The following SGSM1 variants were observed in gnomAD, a reference collection of about 807,000 sequenced individuals.
SGSM1 encodes the protein RUN and TBC1 domain containing 2.
A neutral mutation model predicts 133.8 loss-of-function variants in SGSM1; 73 were observed. The observed-to-expected ratio is 0.55, with a 90% confidence interval of 0.45 to 0.66. SGSM1 has a LOEUF of 0.66. Ranked by LOEUF, SGSM1 falls within the 30% of genes least tolerant of loss-of-function variation. The pLI, the probability that SGSM1 is intolerant of heterozygous loss-of-function variation, is 0.00. For missense variants in SGSM1, 1,213 were observed against 1,448.1 expected (o/e 0.84, Z 2.64); for synonymous variants, 563 against 573.0 (o/e 0.98, Z 0.25).
chr22:24,881,857 G>T (rs1932351143), intron 14 of SGSM1, among the ~76,000 whole-genome samples: 1 of 152,156 alleles, frequency 6.6e-6, no homozygotes, highest in Non-Finnish European at 1.5e-5. Context: ...AACAGCACAG[G>T]CTGCCATTTG....
intron 22 of SGSM1, among the ~76,000 whole-genome samples, chr22:24,916,305 T>TA (rs1477095622): frequency 6.6e-6 from 1 of 152,196 alleles, no homozygotes; most frequent in Non-Finnish European, 1.5e-5. Context: ...AATGGAATCA[T>TA]ACAATATGTG....
chr22:24,844,639 G>C (rs1360630928), intron 2 of SGSM1: 3 of 483,626 alleles, frequency 6.2e-6, no homozygotes, highest in African/African-American at 1.9e-5. Flanking sequence ...ATGACGTTTT[G>C]TGAGATGCCT....
intron 16 of SGSM1, 104 bp from the exon 17 acceptor site, chr22:24,893,327 C>T (rs753612561): frequency 1.3e-5 from 16 of 1,210,628 alleles, no homozygotes; most frequent in African/African-American, 7.6e-5. Context: ...ATGTTAACTG[C>T]GTGAATGTTG....
intron 3 of SGSM1, 62 bp downstream of exon 3, chr22:24,845,034 C>A: frequency 6.6e-7 from 1 of 1,516,654 alleles, no homozygotes. Flanking sequence ...GAAGTGGTGT[C>A]TTGGAGCCAC....
At chr22:24,876,540 A>G (rs1045501832) in intron 12 of SGSM1, 37 bp from the exon 13 acceptor site, 16 of 1,612,808 alleles carry the variant, frequency 9.9e-6, no homozygotes, top group African/African-American at 1.3e-5. Context: ...AGGTTTAACC[A>G]GGGTGATTCT....
At chr22:24,923,771 C>T (rs752121383) in intron 24 of SGSM1, among the ~76,000 whole-genome samples, 7 of 152,058 alleles carry the variant, frequency 4.6e-5, no homozygotes, top group Non-Finnish European at 1.0e-4. Flanking sequence ...TACAGGCATG[C>T]GCCACCACAC....
intron 23 of SGSM1, among the ~76,000 whole-genome samples, chr22:24,919,315 G>C (rs1472003044): frequency 6.6e-6 from 1 of 152,104 alleles, no homozygotes; most frequent in Non-Finnish European, 1.5e-5. Context: ...CTCCCAAAGT[G>C]CTGGGATTAC....
intron 5 of SGSM1, among the ~76,000 whole-genome samples, 188 bp downstream of exon 5, chr22:24,850,620 A>G (rs941876535): frequency 2.0e-5 from 3 of 152,212 alleles, no homozygotes; most frequent in Non-Finnish European, 4.4e-5. Flanking sequence ...CTTCGGATTT[A>G]GGGTGGAGTA....
chr22:24,914,088 C>T (rs868859299), intron 22 of SGSM1, among the ~76,000 whole-genome samples: 52 of 150,930 alleles, frequency 3.4e-4, no homozygotes, highest in Middle Eastern at 6.9e-3. Context: ...CAGGAGATCG[C>T]GACCATCCTG....
intron 2 of SGSM1, among the ~76,000 whole-genome samples, chr22:24,829,617 G>A (rs1461805161): frequency 2.0e-5 from 3 of 152,106 alleles, no homozygotes; most frequent in African/African-American, 7.2e-5. Flanking sequence ...TGTGAGGCAA[G>A]GTATTCATTA....
intron 24 of SGSM1, 76 bp from the exon 25 acceptor site, chr22:24,924,110 C>G (rs1934107799): frequency 7.5e-7 from 1 of 1,338,486 alleles, no homozygotes; most frequent in Non-Finnish European, 1.1e-6. Flanking sequence ...CCCAGAGAAG[C>G]CTCCAGGGGC....
intron 2 of SGSM1, among the ~76,000 whole-genome samples, chr22:24,815,436 C>A (rs1928007319): frequency 6.6e-6 from 1 of 152,102 alleles, no homozygotes. Flanking sequence ...AATTTAAGTG[C>A]ATGGAAGAAA....
chr22:24,828,891 G>A (rs752956742), intron 2 of SGSM1, among the ~76,000 whole-genome samples: 17 of 152,124 alleles, frequency 1.1e-4, no homozygotes, highest in Non-Finnish European at 2.2e-4. Flanking sequence ...ATATTATGCA[G>A]CCACACAAAA....
At chr22:24,881,431 TGGTG>T (rs1161939051) in intron 14 of SGSM1, among the ~76,000 whole-genome samples, 5,720 of 147,796 alleles carry the variant, frequency 0.039, 344 homozygotes, top group East Asian at 0.062. Context: ...TCGGGTGTGG[TGGTG>T]GGCGCCTGTA....
rs59707263 is a variant in SGSM1 at position 24,836,086 on chromosome 22, C to G, written c.64-8811C>G. ...TCTTTTCGAAAGATAAACTCTATAC[C>G]CATTAAATAATGCCTCCCCATTTCT... On this transcript the variant is annotated intron_variant, in intron 2 of 24. Coordinates refer to ENST00000400358, the MANE Select transcript of SGSM1 (RefSeq NM_001098497.3). Among the ~76,000 whole-genome samples the G allele has an allele frequency of 4.5e-3, 678 of 152,176 alleles. 4 individuals carry two copies. Among genetic ancestry groups the G allele is most frequent in the African/African-American group, 0.015 (610 of 41,502 alleles).
chr22:24,886,173 C>T (rs78410779), intron 15 of SGSM1, among the ~76,000 whole-genome samples: 1,889 of 149,396 alleles, frequency 0.013, 35 homozygotes, highest in African/African-American at 0.042. Context: ...GATCAGAGTC[C>T]GAGACCACCC....
intron 14 of SGSM1, among the ~76,000 whole-genome samples, chr22:24,880,323 C>T (rs141107823): frequency 0.012 from 1,889 of 152,102 alleles, 42 homozygotes; most frequent in African/African-American, 0.044. Context: ...TTAATAGAGA[C>T]GGGTTTCACC....
intron 16 of SGSM1, among the ~76,000 whole-genome samples, chr22:24,890,009 T>C (rs899973322): frequency 2.8e-5 from 4 of 143,894 alleles, no homozygotes; most frequent in Admixed American, 2.2e-4. Context: ...CAGGCTGGAG[T>C]GCAGTGGCGC....
At chr22:24,899,296 A>T (rs1311380799) in intron 19 of SGSM1, among the ~76,000 whole-genome samples, 1 of 151,950 alleles carries the variant, frequency 6.6e-6, no homozygotes, top group Non-Finnish European at 1.5e-5. Context: ...ATTTAGACAT[A>T]TCATGTTTTT....
Sources: gnomAD v4.1 joint callset for allele counts (sites outside exome capture counted in the v4.1 genomes callset) on GRCh38, gnomAD v4.1.1 for gene constraint, MANE v1.5 for transcripts, NCBI Gene and HGNC (gene_info 2026-07-23, HGNC 2026-07-21) for gene names.